Variants in TANC1 observed in about 807,000 individuals in gnomAD.
TANC1 encodes tetratricopeptide repeat, ankyrin repeat and coiled-coil containing 1, also known as protein TANC1.
In TANC1, 77 loss-of-function variants were observed where a neutral mutation model predicts 149.7. The observed-to-expected ratio is 0.51, with a 90% CI of 0.43 to 0.62. The LOEUF (loss-of-function observed/expected upper bound fraction) is 0.62. Ranked by LOEUF, TANC1 falls within the 20% of genes least tolerant of loss-of-function variation. TANC1 has a pLI of 0.00. For missense variants in TANC1, 1,985 were observed against 2,321.8 expected, an observed-to-expected ratio of 0.85 and a Z score of 2.98; for synonymous variants, 854 against 925.0, an observed-to-expected ratio of 0.92 and a Z score of 1.39.
rs1279690804 is a variant in TANC1, at chr2:159,175,010, T to A, written c.1561T>A (p.Phe521Ile). 6.2e-7 allele frequency: 1 copy of A among 1,614,128 alleles called. No homozygotes were observed. Among genetic ancestry groups the A allele is most frequent in the Non-Finnish European group, 8.5e-7 (1 of 1,180,030 alleles). The change falls in exon 12 of 27, where the codon TTT (phenylalanine) becomes ATT (isoleucine). Residue 521 changes from phenylalanine to isoleucine, a missense_variant. Around this residue, in one of 3 missense-constraint regions of TANC1, gnomAD observed 508 missense variants for 714.2 expected, o/e 0.71. Transcript: ENST00000263635. The stretch of plus-strand genomic sequence containing the variant: ...CACGTACACTTGCCTGGTGCCCGAG[T>A]TTGTGCACAGCATCGCAGCTTTGCT... ...DNTYTCLVPEFVHSIAALLCR... is the reference protein window; with the variant it reads ...DNTYTCLVPEIVHSIAALLCR...
intron 13 of TANC1, 60 bp from the exon 14 acceptor site, chr2:159,178,496 G>A: frequency 6.6e-7 from 1 of 1,507,108 alleles, no homozygotes; most frequent in Non-Finnish European, 8.9e-7. Context: ...TTAAAATGCT[G>A]TTAAAATAAA....
Position 159,078,208 on chromosome 2 carries a change from C to T in TANC1, c.61+12237C>T, listed in dbSNP as rs574836000. Among the ~76,000 whole-genome samples the T allele has an allele frequency of 7.9e-5, 12 of 152,248 alleles. No individual in the cohort carries two copies. In the South Asian group the frequency reaches 2.5e-3, roughly 32 times the overall value. On this transcript the variant is annotated intron_variant, in intron 3 of 26. Transcript: ENST00000263635. ...ATTACTATTTATAAAGGGCTCAAGC[C>T]CATGCTTGGCATATAGTATATGTTA...
At chr2:159,081,160 T>TA (rs979676272) in intron 3 of TANC1, among the ~76,000 whole-genome samples, 46 of 152,294 alleles carry the variant, frequency 3.0e-4, no homozygotes, top group African/African-American at 1.1e-3. Context: ...CTTCAGTCAG[T>TA]AAGAGGGAGG....
intron 4 of TANC1, among the ~76,000 whole-genome samples, chr2:159,130,292 T>C (rs2150155282): frequency 6.6e-6 from 1 of 152,338 alleles, no homozygotes; most frequent in East Asian, 1.9e-4. Context: ...TTGGGGGGAT[T>C]AATCTCATAA....
At chr2:159,005,499 G>A (rs970144296) in intron 2 of TANC1, among the ~76,000 whole-genome samples, 1 of 152,020 alleles carries the variant, frequency 6.6e-6, no homozygotes, top group South Asian at 2.1e-4. Context: ...GAGGTGGGAG[G>A]ATCACCTGAG....
intron 16 of TANC1, among the ~76,000 whole-genome samples, chr2:159,189,953 G>A (rs554653432): frequency 5.9e-5 from 9 of 152,328 alleles, no homozygotes; most frequent in South Asian, 2.1e-4. Context: ...GCATTACACC[G>A]ACAAAGGAAA....
At chr2:159,164,123 G>A (rs906115587) in intron 8 of TANC1, among the ~76,000 whole-genome samples, 1 of 151,940 alleles carries the variant, frequency 6.6e-6, no homozygotes, top group Non-Finnish European at 1.5e-5. Context: ...GAACAAAGAA[G>A]AAACCACAAA....
At chr2:158,994,168 T>C (rs935852366) in intron 1 of TANC1, among the ~76,000 whole-genome samples, 3 of 152,198 alleles carry the variant, frequency 2.0e-5, no homozygotes, top group Non-Finnish European at 4.4e-5. Flanking sequence ...TAGAATTGTT[T>C]TGCAATTAAC....
chr2:159,163,485 T>C lies in TANC1; in HGVS notation c.885T>C (p.Gly295=). The change falls in exon 8 of 27, where the codon GGT becomes GGC. Residue 295 remains glycine, a synonymous_variant. Transcript: ENST00000263635. ...AAGCAGAATCCTCAGCTGGAGATGG[T>C]CCAGTCCCTTATTCTCAGGGCTCCA... is the stretch of plus-strand genomic sequence containing the variant. The part of the protein sequence containing the change: ...LPKAESSAGD[G]PVPYSQGSSS... The C allele has an allele frequency of 6.2e-7, 1 of 1,613,648 alleles. No homozygotes were observed. Among genetic ancestry groups the C allele is most frequent in the Non-Finnish European group, 8.5e-7 (1 of 1,179,976 alleles).
chr2:159,155,781 A>G (rs1054560146), intron 7 of TANC1, among the ~76,000 whole-genome samples: 1 of 152,240 alleles, frequency 6.6e-6, no homozygotes, highest in East Asian at 1.9e-4. Flanking sequence ...TCGTAGAAAC[A>G]CTTCTGCAGA....
At chr2:159,052,587 A>G (rs1336229660) in intron 2 of TANC1, among the ~76,000 whole-genome samples, 2 of 152,230 alleles carry the variant, frequency 1.3e-5, no homozygotes, top group Non-Finnish European at 2.9e-5. Flanking sequence ...ATAAATTACC[A>G]TCTCCATGAT....
Position 158,983,468 on chromosome 2 carries a change from C to CAAAAAAAAAA in TANC1, c.-126+14696_-126+14705dup, listed in dbSNP as rs35472970. On this transcript the variant is annotated intron_variant, in intron 1 of 26. Coordinates refer to ENST00000263635, the MANE Select transcript of TANC1 (RefSeq NM_033394.3). ...GGAGACAGAGCAAGACTCCGTCTCCCAAAAAAAAAAAAAAAAAAACACCAA... is the reference window on the plus strand; with the variant it reads ...GGAGACAGAGCAAGACTCCGTCTCCCAAAAAAAAAAAAAAAAAAAAAAAAAAAAACACCAA... Among the ~76,000 whole-genome samples, 56 of 88,802 alleles carry CAAAAAAAAAA rather than the reference C, an allele frequency of 6.3e-4. 1 individual carries two copies. Among genetic ancestry groups the CAAAAAAAAAA allele is most frequent in the African/African-American group, 2.4e-3 (52 of 21,726 alleles). 58.3% of individuals were successfully genotyped at this position (88,802 alleles called of 152,430 possible).
intron 2 of TANC1, among the ~76,000 whole-genome samples, chr2:159,040,619 T>C (rs2040554995): frequency 6.6e-6 from 1 of 152,228 alleles, no homozygotes; most frequent in Non-Finnish European, 1.5e-5. Context: ...TCAGGTCATT[T>C]AAGGTCTTCT....
chr2:159,221,842 C>T (rs541300949), intron 22 of TANC1, among the ~76,000 whole-genome samples: 27 of 152,300 alleles, frequency 1.8e-4, no homozygotes, highest in Admixed American at 7.8e-4. Context: ...AACTGAGAAC[C>T]GTGAAATGTC....
At chr2:159,165,861 C>T (rs959493843) in intron 8 of TANC1, among the ~76,000 whole-genome samples, 2 of 152,208 alleles carry the variant, frequency 1.3e-5, no homozygotes, top group Non-Finnish European at 2.9e-5. Flanking sequence ...GGGGCTGGCC[C>T]CTAGGGGATT....
At chr2:159,225,941 G>T in intron 24 of TANC1, 162 bp downstream of exon 24, 1 of 674,366 alleles carries the variant, frequency 1.5e-6, no homozygotes, top group South Asian at 1.6e-5. Context: ...CAGCACTTTT[G>T]GAGGCCGAGG....
chr2:158,992,222 G>C (rs1200245261), intron 1 of TANC1, among the ~76,000 whole-genome samples: 1 of 151,870 alleles, frequency 6.6e-6, no homozygotes, highest in Non-Finnish European at 1.5e-5. Flanking sequence ...AAATTAGATG[G>C]GCATGGTGGT....
Position 159,232,021 on chromosome 2 carries a change from CA to C in TANC1, c.*1015del, listed in dbSNP as rs749770056. 1.3e-5 allele frequency: 2 copies of C among 152,440 alleles called. No homozygotes were observed. Among genetic ancestry groups the C allele is most frequent in the Non-Finnish European group, 1.5e-5 (1 of 67,968 alleles). The allele number at this position is 152,440 out of a possible 1,614,324, so 9.4% of individuals were successfully genotyped here. ...TATTTCAATGTAGTTAATCTAAAAACAAAAAAGAAAACCCCAGTCACGATTT... is the reference window on the plus strand; with the variant it reads ...TATTTCAATGTAGTTAATCTAAAAACAAAAAGAAAACCCCAGTCACGATTT... On this transcript the variant is annotated 3_prime_UTR_variant, in exon 27 of 27. Coordinates refer to ENST00000263635, the MANE Select transcript of TANC1 (RefSeq NM_033394.3).
At chr2:159,221,371 A>G (rs111948433) in intron 22 of TANC1, among the ~76,000 whole-genome samples, 202 of 151,780 alleles carry the variant, frequency 1.3e-3, no homozygotes, top group African/African-American at 4.8e-3. Flanking sequence ...ACAGAGTGAG[A>G]CTCAGTCTCA....
Sources: allele counts gnomAD v4.1 joint callset (sites outside exome capture counted in the v4.1 genomes callset), GRCh38; gene constraint gnomAD v4.1.1; regional missense constraint gnomAD v4.1.1; transcripts MANE v1.5; gene names NCBI Gene and HGNC (gene_info 2026-07-23, HGNC 2026-07-21).